Variants in SEMA3E observed in about 807,000 individuals in gnomAD.
SEMA3E encodes semaphorin 3E.
A neutral mutation model predicts 93.6 loss-of-function variants in SEMA3E; 49 were observed. The ratio of observed to expected loss-of-function variants is 0.52; its 90% CI spans 0.42 to 0.66. SEMA3E has a LOEUF of 0.66. SEMA3E is among the 30% of genes least tolerant of loss of function. SEMA3E has a pLI of 0.00. For synonymous variants in SEMA3E, 363 were observed against 330.7 expected (o/e 1.10, Z -1.06); for missense variants, 906 against 964.8 (o/e 0.94, Z 0.81).
chr7:83,565,576 A>G (rs1220094135), intron 1 of SEMA3E, among the ~76,000 whole-genome samples: 2 of 152,244 alleles, frequency 1.3e-5, no homozygotes, highest in Non-Finnish European at 2.9e-5. Flanking sequence ...TTGAATTAAT[A>G]GCAAATGTAT....
chr7:83,648,583 AG>A lies in SEMA3E; in HGVS notation c.-42del, dbSNP rs778517840. On this transcript the variant is annotated 5_prime_UTR_variant, in exon 1 of 17. Coordinates refer to ENST00000643230, the MANE Select transcript of SEMA3E (RefSeq NM_012431.3). ...GTCCAAGCCCTCGCTCCTCACTTTA[AG>A]GAGGGTCTGAGTTTTACTTAGGACT... 1.3e-6 allele frequency: 2 copies of A among 1,490,962 alleles called. No homozygotes were observed. The highest frequency in any genetic ancestry group is 1.1e-5 in the South Asian group (1 of 88,004). 92.4% of individuals were successfully genotyped at this position (1,490,962 alleles called of 1,614,324 possible).
At chr7:83,542,606 C>A (rs945718936) in intron 1 of SEMA3E, among the ~76,000 whole-genome samples, 3 of 151,582 alleles carry the variant, frequency 2.0e-5, no homozygotes, top group Non-Finnish European at 4.4e-5. Flanking sequence ...AAAAAAAAAA[C>A]TGACCTTTTC....
At chr7:83,628,657 A>G (rs1043753045) in intron 1 of SEMA3E, among the ~76,000 whole-genome samples, 3 of 151,312 alleles carry the variant, frequency 2.0e-5, no homozygotes, top group Admixed American at 6.6e-5. Flanking sequence ...TCTTCTCTAA[A>G]CTGGTTATTC....
chr7:83,595,677 A>G (rs1584353726), intron 1 of SEMA3E, among the ~76,000 whole-genome samples: 1 of 151,864 alleles, frequency 6.6e-6, no homozygotes, highest in Non-Finnish European at 1.5e-5. Context: ...ATTTTGTACA[A>G]TGTTACTCAG....
At chr7:83,488,124 T>G (rs1237642159) in intron 2 of SEMA3E, among the ~76,000 whole-genome samples, 1 of 150,140 alleles carries the variant, frequency 6.7e-6, no homozygotes. Context: ...AGAAGAGGGG[T>G]GGGTGTGGAT....
intron 4 of SEMA3E, among the ~76,000 whole-genome samples, chr7:83,440,209 A>G (rs1354422781): frequency 2.6e-5 from 4 of 152,202 alleles, no homozygotes; most frequent in Non-Finnish European, 4.4e-5. Context: ...GGGAAGTACA[A>G]TTAGTATAAT....
chr7:83,414,824 C>A (rs997656219), intron 5 of SEMA3E, among the ~76,000 whole-genome samples: 1 of 151,876 alleles, frequency 6.6e-6, no homozygotes, highest in Non-Finnish European at 1.5e-5. Context: ...TCTTATCATA[C>A]CTTAGGCATT....
chr7:83,534,293 AT>A (rs568673010), intron 1 of SEMA3E, among the ~76,000 whole-genome samples: 1,847 of 152,236 alleles, frequency 0.012, 34 homozygotes, highest in African/African-American at 0.04. Flanking sequence ...AGGCATTAGG[AT>A]TTTTTTGAAG....
chr7:83,605,900 C>G (rs887079473), intron 1 of SEMA3E, among the ~76,000 whole-genome samples: 18 of 152,134 alleles, frequency 1.2e-4, no homozygotes, highest in African/African-American at 4.1e-4. Context: ...TGTAGGTTGC[C>G]TGTTCATTCT....
intron 1 of SEMA3E, among the ~76,000 whole-genome samples, chr7:83,529,860 T>A (rs1377900852): frequency 6.6e-6 from 1 of 152,160 alleles, no homozygotes; most frequent in African/African-American, 2.4e-5. Context: ...CCATCTCTCC[T>A]TCTCTCCCCT....
chr7:83,470,407 G>A (rs1331505512), intron 2 of SEMA3E, among the ~76,000 whole-genome samples: 1 of 151,788 alleles, frequency 6.6e-6, no homozygotes. Context: ...TTAATCTATA[G>A]AATTGATTGT....
In SEMA3E at chr7:83,366,756, CT is replaced by C. The variant is rs756070802; in HGVS notation, c.*829del. On this transcript the variant is annotated 3_prime_UTR_variant, in exon 17 of 17. Transcript: ENST00000643230. ...CTGATAATCTGCTTTCAAATCTTTC[CT>C]AAACAGATATCCGTCTGTAGAGAAA... 4 of 152,042 alleles carry C rather than the reference CT, an allele frequency of 2.6e-5. No homozygotes were observed. The highest frequency in any genetic ancestry group is 5.9e-5 in the Non-Finnish European group (4 of 67,978). The allele number at this position is 152,042 out of a possible 1,614,324, so 9.4% of individuals were successfully genotyped here.
chr7:83,367,865 G>A lies in SEMA3E; in HGVS notation c.2049C>T (p.Asn683=), dbSNP rs776717434. ...GATGCCTGTCCTCCTCATCGTCCTT[G>A]TTAAACATATCCTCGACTTTCTCCT... ...VEEEKVEDMF[N]KDDEEDRHHR... is the part of the protein sequence containing the mutation. Residue 683 remains asparagine (N), a synonymous_variant, in exon 17 of 17, where the codon AAC becomes AAT. Coordinates refer to ENST00000643230, the MANE Select transcript of SEMA3E (RefSeq NM_012431.3). The A allele has an allele frequency of 3.7e-6, 6 of 1,612,178 alleles. No homozygotes were observed. The East Asian group carries it at 8.9e-5, about 24-fold the overall frequency.
At chr7:83,575,234 G>A (rs1270821893) in intron 1 of SEMA3E, among the ~76,000 whole-genome samples, 1 of 151,508 alleles carries the variant, frequency 6.6e-6, no homozygotes, top group Non-Finnish European at 1.5e-5. Context: ...TTGAAGGAGG[G>A]TAGCAGGATG....
At chr7:83,499,607 C>T (rs1009053786) in intron 1 of SEMA3E, among the ~76,000 whole-genome samples, 2 of 152,060 alleles carry the variant, frequency 1.3e-5, no homozygotes, top group African/African-American at 4.8e-5. Flanking sequence ...AAGGTCATGG[C>T]TGAGAGATGA....
At position 83,527,251 on chromosome 7, in the gene SEMA3E, T is replaced by C. The variant is rs182403566; in HGVS notation, c.116-36977A>G. 2.0e-5 allele frequency among the ~76,000 whole-genome samples: 3 copies of C among 152,266 alleles called. No individual in the cohort carries two copies. In the East Asian group the frequency reaches 5.8e-4, roughly 29 times the overall value. On this transcript the variant is annotated intron_variant, in intron 1 of 16. Transcript: ENST00000643230. ...ACATGGTTCTATGGACATATTAATT[T>C]TGGACTTCCAGCCTCAAGGACTGTG...
At chr7:83,562,625 C>T (rs536881853) in intron 1 of SEMA3E, among the ~76,000 whole-genome samples, 1 of 152,108 alleles carries the variant, frequency 6.6e-6, no homozygotes, top group South Asian at 2.1e-4. Context: ...ATATCTTTAT[C>T]CCAGAGAAAC....
At chr7:83,571,498 A>T (rs568405965) in intron 1 of SEMA3E, among the ~76,000 whole-genome samples, 2 of 152,346 alleles carry the variant, frequency 1.3e-5, no homozygotes, top group East Asian at 3.9e-4. Flanking sequence ...CAGGTGTGAA[A>T]AAAGTCTTTG....
chr7:83,596,840 T>C (rs1327341834), intron 1 of SEMA3E, among the ~76,000 whole-genome samples: 1 of 152,134 alleles, frequency 6.6e-6, no homozygotes, highest in African/African-American at 2.4e-5. Flanking sequence ...AAAGTTGTCA[T>C]AGGCACAGAA....
Sources: allele counts gnomAD v4.1 joint callset (sites outside exome capture counted in the v4.1 genomes callset), GRCh38; gene constraint gnomAD v4.1.1; transcripts MANE v1.5; gene names NCBI Gene and HGNC (gene_info 2026-07-23, HGNC 2026-07-21).